Variants in NCAM2 observed in about 807,000 individuals in gnomAD.
NCAM2 encodes N-CAM-2.
In NCAM2, 30 loss-of-function variants were observed where a neutral mutation model predicts 98.1. The ratio of observed to expected loss-of-function variants is 0.31; its 90% CI spans 0.23 to 0.41. The LOEUF (loss-of-function observed/expected upper bound fraction) is 0.41. Ranked by LOEUF, NCAM2 falls within the 10% of genes least tolerant of loss-of-function variation. The probability of loss-of-function intolerance (pLI) is 1.00; values close to 1 mark genes in which losing one functional copy is unlikely to be tolerated. For synonymous variants in NCAM2, 368 were observed against 342.4 expected, an observed-to-expected ratio of 1.07 and a Z score of -0.83; for missense variants, 867 against 1,005.8, an observed-to-expected ratio of 0.86 and a Z score of 1.87.
chr21:21,199,647 A>G (rs2069135165), intron 1 of NCAM2, among the ~76,000 whole-genome samples: 1 of 152,214 alleles, frequency 6.6e-6, no homozygotes, highest in Non-Finnish European at 1.5e-5. Flanking sequence ...TGACCTCAGT[A>G]AAGAACACAA....
At chr21:21,486,197 G>T (rs543571336) in intron 15 of NCAM2, among the ~76,000 whole-genome samples, 1 of 151,346 alleles carries the variant, frequency 6.6e-6, no homozygotes, top group Non-Finnish European at 1.5e-5. Context: ...CCAGCTACTC[G>T]GGAGGCTGAG....
intron 1 of NCAM2, among the ~76,000 whole-genome samples, chr21:21,189,604 A>C (rs1459296515): frequency 6.6e-6 from 1 of 152,210 alleles, no homozygotes; most frequent in East Asian, 1.9e-4. Context: ...ACTTGATTTT[A>C]GCAAGTTTTA....
chr21:21,340,866 T>C (rs1321547812), intron 8 of NCAM2, among the ~76,000 whole-genome samples: 2 of 151,974 alleles, frequency 1.3e-5, no homozygotes, highest in South Asian at 2.1e-4. Flanking sequence ...CCAGTGTTAT[T>C]TGAACTCTTT....
intron 1 of NCAM2, among the ~76,000 whole-genome samples, chr21:21,187,195 G>T (rs2068668238): frequency 6.6e-6 from 1 of 152,096 alleles, no homozygotes; most frequent in Non-Finnish European, 1.5e-5. Context: ...CTGCACTCCA[G>T]GCTGGGCGAC....
intron 16 of NCAM2, among the ~76,000 whole-genome samples, chr21:21,514,705 A>C (rs1191606707): frequency 6.6e-6 from 1 of 152,138 alleles, no homozygotes; most frequent in Admixed American, 6.6e-5. Context: ...AGTATTTTTT[A>C]AATTATGTTT....
intron 15 of NCAM2, among the ~76,000 whole-genome samples, chr21:21,481,363 C>G (rs925666942): frequency 4.6e-5 from 7 of 152,108 alleles, no homozygotes; most frequent in African/African-American, 1.7e-4. Context: ...TGGAAGTTAA[C>G]AAAGGGTCAT....
intron 11 of NCAM2, among the ~76,000 whole-genome samples, chr21:21,421,337 A>G (rs1311167428): frequency 3.6e-5 from 1 of 27,608 alleles, no homozygotes. Context: ...CTGTCCAAAC[A>G]TAATAAAAAT....
chr21:21,308,173 A>G (rs2073942502), intron 5 of NCAM2, among the ~76,000 whole-genome samples: 2 of 152,130 alleles, frequency 1.3e-5, no homozygotes, highest in Non-Finnish European at 2.9e-5. Flanking sequence ...GTTATTAGAA[A>G]AAAGTATTTT....
intron 15 of NCAM2, among the ~76,000 whole-genome samples, chr21:21,490,428 A>G (rs1026281847): frequency 6.6e-6 from 1 of 151,982 alleles, no homozygotes; most frequent in Non-Finnish European, 1.5e-5. Flanking sequence ...ATTTAGATAT[A>G]TTGAAAGTTC....
chr21:21,281,346 A>G (rs1305856240), intron 2 of NCAM2, among the ~76,000 whole-genome samples: 1 of 152,180 alleles, frequency 6.6e-6, no homozygotes, highest in African/African-American at 2.4e-5. Flanking sequence ...TAAATTTGGT[A>G]TGGCACACTG....
intron 12 of NCAM2, among the ~76,000 whole-genome samples, chr21:21,453,353 G>T (rs147300438): frequency 1.1e-3 from 172 of 151,676 alleles, no homozygotes; most frequent in African/African-American, 1.9e-3. Context: ...GCCTAGCCTT[G>T]GCAGAGGTCA....
At position 21,383,950 on chromosome 21, in the gene NCAM2, G is replaced by T. The variant is rs920718873; in HGVS notation, c.1195+9937G>T. Among the ~76,000 whole-genome samples the T allele has an allele frequency of 4.6e-5, 7 of 152,094 alleles. No individual in the cohort carries two copies. The East Asian group carries it at 1.2e-3, about 25-fold the overall frequency. ...TTAAGTATCTTTTCTTTCTGTCAGT[G>T]TATCAGTCCTTTGGACAGTCAATTT... On this transcript the variant is annotated intron_variant, in intron 9 of 17. Coordinates refer to ENST00000400546, the MANE Select transcript of NCAM2 (RefSeq NM_004540.5).
chr21:21,086,642 A>G (rs1321928651), intron 1 of NCAM2, among the ~76,000 whole-genome samples: 1 of 152,210 alleles, frequency 6.6e-6, no homozygotes, highest in African/African-American at 2.4e-5. Flanking sequence ...AGCAAAATGT[A>G]ACATCACCAC....
rs772633564 is a variant in NCAM2, at chr21:20,998,517, C to T, written c.-47C>T. 1 of 1,593,988 alleles carries T rather than the reference C, an allele frequency of 6.3e-7. No individual in the cohort carries two copies. Among genetic ancestry groups the T allele is most frequent in the Non-Finnish European group, 8.6e-7 (1 of 1,162,558 alleles). Reference sequence around the variant, plus strand: ...GCAGCGAAAGGTTCTCTCTCCAGGGCTGGACTTAATAACTTTGAAACTGTC... The same window carrying T: ...GCAGCGAAAGGTTCTCTCTCCAGGGTTGGACTTAATAACTTTGAAACTGTC... On this transcript the variant is annotated 5_prime_UTR_variant, in exon 1 of 18. Transcript: ENST00000400546.
Position 21,302,866 on chromosome 21 carries a change from T to C in NCAM2, c.619+10625T>C, listed in dbSNP as rs535857162. Among the ~76,000 whole-genome samples, 62 of 152,156 alleles carry C rather than the reference T, an allele frequency of 4.1e-4. No individual in the cohort carries two copies. In the South Asian group the frequency reaches 0.012, roughly 31 times the overall value. ...GAATCAACCTAGATTCCCATCAATA[T>C]TGGATTGGATAAATAAAATGTATTA... On this transcript the variant is annotated intron_variant, in intron 5 of 17. Transcript: ENST00000400546.
intron 12 of NCAM2, among the ~76,000 whole-genome samples, chr21:21,442,251 A>G (rs17003864): frequency 0.029 from 4,444 of 152,270 alleles, 81 homozygotes; most frequent in East Asian, 0.058. Context: ...AATGAAAGAC[A>G]CACAGCACTC....
chr21:21,056,207 A>AATCAGG (rs1403782449), intron 1 of NCAM2, among the ~76,000 whole-genome samples: 2 of 152,190 alleles, frequency 1.3e-5, no homozygotes, highest in Non-Finnish European at 2.9e-5. Flanking sequence ...CTAAACATGG[A>AATCAGG]ATCAGGGAGT....
intron 6 of NCAM2, 74 bp downstream of exon 6, chr21:21,324,574 C>A: frequency 4.8e-6 from 5 of 1,043,270 alleles, no homozygotes; most frequent in Admixed American, 2.3e-5. Context: ...GGATCTTAAT[C>A]ATTTTGGTAA....
chr21:21,413,686 A>G (rs981888601), intron 10 of NCAM2, among the ~76,000 whole-genome samples: 4 of 152,224 alleles, frequency 2.6e-5, no homozygotes, highest in Admixed American at 2.6e-4. Context: ...CTGAAAAATA[A>G]TTACTAAAAT....
Sources: allele counts gnomAD v4.1 joint callset (sites outside exome capture counted in the v4.1 genomes callset), GRCh38; gene constraint gnomAD v4.1.1; transcripts MANE v1.5; gene names NCBI Gene and HGNC (gene_info 2026-07-23, HGNC 2026-07-21).